DLGAP1: variants seen among roughly 807,000 people sequenced by gnomAD.
DLGAP1 encodes DLG associated protein 1.
In DLGAP1, 11 loss-of-function variants were observed where a neutral mutation model predicts 90.8. The observed-to-expected ratio is 0.12, with a 90% CI of 0.08 to 0.20. The LOEUF is 0.20. Among genes scored for constraint, DLGAP1 ranks in the 10% least tolerant of loss-of-function variants. DLGAP1 has a pLI of 1.00. For missense variants in DLGAP1, 1,050 were observed against 1,333.8 expected (o/e 0.79, Z 3.31); for synonymous variants, 558 against 540.7 (o/e 1.03, Z -0.44).
At chr18:4,344,234 G>A (rs147352912) in intron 1 of DLGAP1, among the ~76,000 whole-genome samples, 51 of 152,146 alleles carry the variant, frequency 3.4e-4, no homozygotes, top group African/African-American at 1.1e-3. Context: ...TGCACTATGC[G>A]TTATATTATT....
At chr18:3,644,705 G>A (rs2059058818) in intron 7 of DLGAP1, among the ~76,000 whole-genome samples, 2 of 151,918 alleles carry the variant, frequency 1.3e-5, no homozygotes, top group South Asian at 2.1e-4. Context: ...GAGCCACTGC[G>A]GCCAGCCTAT....
At chr18:4,364,420 T>A (rs2081710787) in intron 1 of DLGAP1, among the ~76,000 whole-genome samples, 1 of 151,470 alleles carries the variant, frequency 6.6e-6, no homozygotes, top group South Asian at 2.1e-4. Flanking sequence ...AATAAAGTAA[T>A]AAAAAAAAGA....
intron 7 of DLGAP1, among the ~76,000 whole-genome samples, chr18:3,588,933 G>A (rs879274123): frequency 1.3e-5 from 2 of 152,176 alleles, no homozygotes; most frequent in Admixed American, 6.5e-5. Flanking sequence ...CTGTAATCCT[G>A]GCACTTTAGG....
intron 7 of DLGAP1, among the ~76,000 whole-genome samples, chr18:3,664,718 T>G (rs1045304908): frequency 1.3e-5 from 2 of 152,190 alleles, no homozygotes; most frequent in East Asian, 3.8e-4. Flanking sequence ...TACCCCTAGA[T>G]GGTAAACTCC....
chr18:4,406,386 G>T (rs2144572797), intron 1 of DLGAP1, among the ~76,000 whole-genome samples: 1 of 152,254 alleles, frequency 6.6e-6, no homozygotes, highest in East Asian at 1.9e-4. Context: ...TCAGCCTTAG[G>T]TTCCCTGCCT....
intron 1 of DLGAP1, among the ~76,000 whole-genome samples, chr18:4,231,732 C>A (rs2078302912): frequency 6.6e-6 from 1 of 152,070 alleles, no homozygotes; most frequent in Non-Finnish European, 1.5e-5. Context: ...TCATTTAAAT[C>A]ATCTGAGTAA....
At chr18:4,135,790 CTTTTTT>C (rs58513784) in intron 2 of DLGAP1, among the ~76,000 whole-genome samples, 1 of 127,348 alleles carries the variant, frequency 7.9e-6, no homozygotes, top group African/African-American at 3.0e-5. Context: ...GAATCTGATT[CTTTTTT>C]TTTTTTTTTT....
At chr18:4,158,301 T>C (rs1203209321) in intron 1 of DLGAP1, among the ~76,000 whole-genome samples, 2 of 152,114 alleles carry the variant, frequency 1.3e-5, no homozygotes, top group African/African-American at 2.4e-5. Flanking sequence ...TGGAATAACA[T>C]GAAATATCAA....
intron 5 of DLGAP1, among the ~76,000 whole-genome samples, chr18:3,753,671 C>T (rs1270448537): frequency 1.3e-5 from 2 of 152,194 alleles, no homozygotes; most frequent in East Asian, 3.8e-4. Context: ...TGAGATCCTG[C>T]ACAAGCAGGA....
chr18:4,166,397 A>T (rs1327596803), intron 1 of DLGAP1, among the ~76,000 whole-genome samples: 1 of 152,200 alleles, frequency 6.6e-6, no homozygotes, highest in Non-Finnish European at 1.5e-5. Context: ...AAGGATGTGA[A>T]GAAATTGGAA....
At chr18:4,189,924 C>T (rs1363679263) in intron 1 of DLGAP1, among the ~76,000 whole-genome samples, 7 of 152,146 alleles carry the variant, frequency 4.6e-5, no homozygotes, top group African/African-American at 1.2e-4. Flanking sequence ...AAGCAACAGG[C>T]GCTCCCATAC....
At chr18:3,522,940 C>T (rs199842707) in intron 10 of DLGAP1, among the ~76,000 whole-genome samples, 14 of 152,178 alleles carry the variant, frequency 9.2e-5, no homozygotes, top group East Asian at 7.7e-4. Flanking sequence ...CAGAAGAAAA[C>T]GGAAGGGAAA....
At chr18:3,682,457 T>C (rs1168083521) in intron 7 of DLGAP1, among the ~76,000 whole-genome samples, 1 of 152,206 alleles carries the variant, frequency 6.6e-6, no homozygotes, top group Admixed American at 6.5e-5. Flanking sequence ...AAGCTCTAGA[T>C]ATAAAGTCTG....
chr18:4,072,426 C>G (rs986189764), intron 2 of DLGAP1, among the ~76,000 whole-genome samples: 5 of 151,212 alleles, frequency 3.3e-5, no homozygotes, highest in Admixed American at 3.3e-4. Context: ...TTTTCATTAT[C>G]ATCATCATCA....
At chr18:3,995,158 T>G (rs1367102629) in intron 3 of DLGAP1, 1 of 152,154 alleles carries the variant, frequency 6.6e-6, no homozygotes, top group Non-Finnish European at 1.5e-5. Context: ...GCCTTATCCT[T>G]TTTTTAGGTA....
intron 3 of DLGAP1, chr18:3,995,736 C>A (rs532851102): frequency 5.0e-4 from 74 of 148,064 alleles, no homozygotes; most frequent in African/African-American, 1.8e-3. Context: ...AAAAAAAAAA[C>A]CACCAAGATT....
chr18:4,192,048 TA>T (rs2077410753), intron 1 of DLGAP1, among the ~76,000 whole-genome samples: 1 of 152,144 alleles, frequency 6.6e-6, no homozygotes, highest in Non-Finnish European at 1.5e-5. Context: ...TATTCAAATT[TA>T]GATAATATAA....
At chr18:4,034,143 G>T (rs1205306512) in intron 2 of DLGAP1, among the ~76,000 whole-genome samples, 1 of 144,840 alleles carries the variant, frequency 6.9e-6, no homozygotes, top group Non-Finnish European at 1.5e-5. Context: ...CTGGGTTCAA[G>T]CGATTCTCCT....
intron 10 of DLGAP1, among the ~76,000 whole-genome samples, chr18:3,527,994 A>T (rs1433738600): frequency 6.6e-6 from 1 of 152,232 alleles, no homozygotes; most frequent in Non-Finnish European, 1.5e-5. Flanking sequence ...CAAACATTTT[A>T]AAATATTTAA....
Sources: allele counts gnomAD v4.1 joint callset (sites outside exome capture counted in the v4.1 genomes callset), GRCh38; gene constraint gnomAD v4.1.1; transcripts MANE v1.5; gene names NCBI Gene and HGNC (gene_info 2026-07-23, HGNC 2026-07-21).